Variants in LINGO2 observed in about 807,000 individuals in gnomAD.
LINGO2 encodes leucine rich repeat and Ig domain containing 2.
In LINGO2, 14 loss-of-function variants were observed where a neutral mutation model predicts 30.6. The observed-to-expected ratio is 0.46, with a 90% CI of 0.30 to 0.72. The LOEUF (loss-of-function observed/expected upper bound fraction) is 0.72. Ranked by LOEUF, LINGO2 falls within the 30% of genes least tolerant of loss-of-function variation. The probability of loss-of-function intolerance (pLI) is 0.07; values close to 1 mark genes in which losing one functional copy is unlikely to be tolerated. For missense variants in LINGO2, 729 were observed against 751.7 expected (o/e 0.97, Z 0.35); for synonymous variants, 317 against 288.5 (o/e 1.10, Z -1.00).
chr9:28,786,789 G>C, the LINGO2 span, among the ~76,000 whole-genome samples: 1 of 152,054 alleles, frequency 6.6e-6, no homozygotes, highest in Non-Finnish European at 1.5e-5. Flanking sequence ...AAATAACAGA[G>C]GGAAGTATGG....
chr9:28,749,147 C>G, the LINGO2 span, among the ~76,000 whole-genome samples: 1 of 152,010 alleles, frequency 6.6e-6, no homozygotes, highest in African/African-American at 2.4e-5. Flanking sequence ...ATTTCTCACT[C>G]TCTTGAATGT....
the LINGO2 span, among the ~76,000 whole-genome samples, chr9:28,964,393 A>G: frequency 3.9e-5 from 6 of 151,948 alleles, no homozygotes; most frequent in Admixed American, 2.0e-4. Flanking sequence ...TAAGAAAAAA[A>G]GTATAGGGAG....
intron 4 of LINGO2, among the ~76,000 whole-genome samples, chr9:28,192,025 T>G (rs1300772010): frequency 6.6e-6 from 1 of 152,086 alleles, no homozygotes; most frequent in Non-Finnish European, 1.5e-5. Context: ...CCGACTTGTA[T>G]TTCCAACTGC....
At chr9:28,506,356 A>G (rs1820108855) in intron 1 of LINGO2, among the ~76,000 whole-genome samples, 1 of 148,752 alleles carries the variant, frequency 6.7e-6, no homozygotes, top group Non-Finnish European at 1.5e-5. Context: ...ACATCCTAAG[A>G]TTGCAAAGAA....
At chr9:29,070,432 C>T in the LINGO2 span, among the ~76,000 whole-genome samples, 5 of 152,090 alleles carry the variant, frequency 3.3e-5, no homozygotes, top group Non-Finnish European at 7.3e-5. Context: ...CTTCCCGTCA[C>T]CCATCCTCCA....
chr9:28,702,438 A>C, the LINGO2 span, among the ~76,000 whole-genome samples: 1 of 151,716 alleles, frequency 6.6e-6, no homozygotes, highest in Non-Finnish European at 1.5e-5. Flanking sequence ...TAGATTTTTC[A>C]AATCTATTAC....
chr9:28,389,336 G>C (rs1413007013), intron 2 of LINGO2, among the ~76,000 whole-genome samples: 1 of 152,026 alleles, frequency 6.6e-6, no homozygotes, highest in Non-Finnish European at 1.5e-5. Context: ...GAAAGATAAT[G>C]TTTGTCTTCA....
At chr9:29,125,386 C>T in the LINGO2 span, among the ~76,000 whole-genome samples, 3 of 152,020 alleles carry the variant, frequency 2.0e-5, no homozygotes, top group Admixed American at 6.6e-5. Context: ...TGGAACAACC[C>T]TGCACGTTCT....
chr9:28,799,815 C>G, the LINGO2 span, among the ~76,000 whole-genome samples: 1 of 152,084 alleles, frequency 6.6e-6, no homozygotes, highest in East Asian at 1.9e-4. Flanking sequence ...TCATACTCAT[C>G]ACTTGGTTTG....
chr9:28,909,400 G>C, the LINGO2 span, among the ~76,000 whole-genome samples: 2 of 151,884 alleles, frequency 1.3e-5, no homozygotes, highest in African/African-American at 4.8e-5. Flanking sequence ...CTATAATGTA[G>C]ATAATCAGTT....
chr9:27,977,040 T>C (rs565191028), intron 5 of LINGO2, among the ~76,000 whole-genome samples: 1 of 133,502 alleles, frequency 7.5e-6, no homozygotes, highest in Non-Finnish European at 1.7e-5. Context: ...TTTAGGTAAA[T>C]GGAAAAAAAA....
chr9:28,254,518 A>G (rs1024768505), intron 4 of LINGO2, among the ~76,000 whole-genome samples: 1 of 152,184 alleles, frequency 6.6e-6, no homozygotes, highest in African/African-American at 2.4e-5. Context: ...TGCAAAGAAT[A>G]TATCATCATG....
chr9:28,430,625 C>T (rs947798633), intron 2 of LINGO2, among the ~76,000 whole-genome samples: 9 of 152,084 alleles, frequency 5.9e-5, no homozygotes, highest in African/African-American at 2.2e-4. Context: ...TTCCTATATG[C>T]CATCAGTATA....
In LINGO2 at chr9:28,365,209, G is replaced by A. The variant is rs746043406; in HGVS notation, c.-246+7627C>T. Among the ~76,000 whole-genome samples, 3 of 152,076 alleles carry A rather than the reference G, an allele frequency of 2.0e-5. No homozygotes were observed. The East Asian group carries it at 5.8e-4, about 29-fold the overall frequency. On this transcript the variant is annotated intron_variant, in intron 3 of 5. Transcript: ENST00000379992. ...GAGAGTGGGAGAGGGATGATGGCGGGAAAGGGCATTCTCAATAGAGGGAAC... is the reference window on the plus strand; with the variant it reads ...GAGAGTGGGAGAGGGATGATGGCGGAAAAGGGCATTCTCAATAGAGGGAAC...
chr9:28,401,803 T>A (rs1822278851), intron 2 of LINGO2, among the ~76,000 whole-genome samples: 1 of 152,164 alleles, frequency 6.6e-6, no homozygotes. Context: ...ATCTATTATT[T>A]CCTGATTTTG....
chr9:29,033,378 C>CTATA, the LINGO2 span, among the ~76,000 whole-genome samples: 8,783 of 140,758 alleles, frequency 0.062, 377 homozygotes, highest in Non-Finnish European at 0.093. Flanking sequence ...AACTGCTTTA[C>CTATA]TATATATATA....
chr9:28,550,955 T>C (rs1262074460), intron 1 of LINGO2, among the ~76,000 whole-genome samples: 1 of 151,806 alleles, frequency 6.6e-6, no homozygotes, highest in Admixed American at 6.6e-5. Context: ...TAGTTACTTA[T>C]GAGAGAAAGA....
intron 4 of LINGO2, among the ~76,000 whole-genome samples, chr9:28,090,091 A>AT (rs1436268294): frequency 1.3e-5 from 2 of 152,196 alleles, no homozygotes; most frequent in Non-Finnish European, 2.9e-5. Context: ...AACCAAAAAA[A>AT]GTCCAGGACC....
chr9:27,958,178 AT>A (rs1400399977), intron 5 of LINGO2, among the ~76,000 whole-genome samples: 1 of 152,196 alleles, frequency 6.6e-6, no homozygotes, highest in Non-Finnish European at 1.5e-5. Context: ...GAATGAAAAA[AT>A]GCTTTTCTGT....
Sources: gnomAD v4.1 joint callset for allele counts (sites outside exome capture counted in the v4.1 genomes callset) on GRCh38, gnomAD v4.1.1 for gene constraint, MANE v1.5 for transcripts, NCBI Gene and HGNC (gene_info 2026-07-23, HGNC 2026-07-21) for gene names.